The following ETV6 variants were observed in gnomAD, a reference collection of about 807,000 sequenced individuals.
ETV6 encodes transcription factor ETV6.
ETV6 carries 16 observed loss-of-function variants against 51.1 expected under a neutral mutation model. The ratio of observed to expected loss-of-function variants is 0.31; its 90% CI spans 0.21 to 0.48. ETV6 has a LOEUF of 0.48. Ranked by LOEUF, ETV6 falls within the 20% of genes least tolerant of loss-of-function variation. The pLI, the probability that ETV6 is intolerant of heterozygous loss-of-function variation, is 0.99. For missense variants in ETV6, 458 were observed against 594.8 expected, an observed-to-expected ratio of 0.77 and a Z score of 2.39; for synonymous variants, 240 against 224.1, an observed-to-expected ratio of 1.07 and a Z score of -0.64.
chr12:11,679,450 G>A (rs1438234349), intron 1 of ETV6, among the ~76,000 whole-genome samples: 2 of 152,160 alleles, frequency 1.3e-5, no homozygotes, highest in African/African-American at 4.8e-5. Flanking sequence ...TTTCTTCTTC[G>A]GTAAAGCTTG....
chr12:11,730,111 G>T (rs904567977), intron 1 of ETV6, among the ~76,000 whole-genome samples: 13 of 152,172 alleles, frequency 8.5e-5, no homozygotes, highest in African/African-American at 2.9e-4. Context: ...AAAGAGGCCA[G>T]CAGTAATGAT....
At chr12:11,700,787 G>A (rs967964464) in intron 1 of ETV6, among the ~76,000 whole-genome samples, 5 of 152,124 alleles carry the variant, frequency 3.3e-5, no homozygotes, top group Non-Finnish European at 5.9e-5. Flanking sequence ...GTCTCAGGGT[G>A]GCAGAGGTGG....
At chr12:11,882,720 C>T (rs3819543) in intron 5 of ETV6, among the ~76,000 whole-genome samples, 3 of 152,070 alleles carry the variant, frequency 2.0e-5, no homozygotes, top group African/African-American at 7.2e-5. Flanking sequence ...GGCAACAGAA[C>T]CTCAGGAAGA....
intron 5 of ETV6, among the ~76,000 whole-genome samples, chr12:11,873,382 G>A (rs1418989184): frequency 6.6e-6 from 1 of 152,152 alleles, no homozygotes; most frequent in South Asian, 2.1e-4. Context: ...AATTGATTCT[G>A]TTTATTGGAG....
At chr12:11,784,430 G>T (rs1173160896) in intron 2 of ETV6, among the ~76,000 whole-genome samples, 1 of 146,578 alleles carries the variant, frequency 6.8e-6, no homozygotes, top group African/African-American at 2.6e-5. Context: ...CTGCACTCGC[G>T]CCTGGGTGAC....
intron 2 of ETV6, among the ~76,000 whole-genome samples, chr12:11,780,622 T>G (rs1009058556): frequency 5.3e-5 from 8 of 152,160 alleles, no homozygotes; most frequent in African/African-American, 1.4e-4. Context: ...ACACATGAAT[T>G]CGTGAGACTA....
At chr12:11,779,509 G>A (rs980648877) in intron 2 of ETV6, among the ~76,000 whole-genome samples, 1 of 152,172 alleles carries the variant, frequency 6.6e-6, no homozygotes, top group Admixed American at 6.5e-5. Flanking sequence ...CCTCCATACC[G>A]AGGCCCACTT....
At chr12:11,876,974 T>C (rs1434908152) in intron 5 of ETV6, among the ~76,000 whole-genome samples, 2 of 152,230 alleles carry the variant, frequency 1.3e-5, no homozygotes, top group African/African-American at 4.8e-5. Context: ...CTCTCAAGGT[T>C]ACATCCTTAA....
At chr12:11,854,282 G>A (rs79856869) in intron 4 of ETV6, among the ~76,000 whole-genome samples, 1,597 of 152,152 alleles carry the variant, frequency 0.01, 21 homozygotes, top group African/African-American at 0.024. Flanking sequence ...TACGAGCAGT[G>A]GGGAGCAGCT....
At chr12:11,878,827 GGAAAA>G (rs1283406381) in intron 5 of ETV6, among the ~76,000 whole-genome samples, 1 of 132,590 alleles carries the variant, frequency 7.5e-6, no homozygotes, top group East Asian at 2.2e-4. Context: ...GAGGAGGAGG[GGAAAA>G]AAAAAAAAAA....
Position 11,855,360 on chromosome 12 carries a change from C to T in ETV6, c.463+1799C>T, listed in dbSNP as rs564647253. Among the ~76,000 whole-genome samples the T allele has an allele frequency of 2.0e-5, 3 of 152,258 alleles. No individual in the cohort carries two copies. In the East Asian group the frequency reaches 5.8e-4, roughly 29 times the overall value. ...CTTACTTGAGCACCATTGCATTAAA[C>T]AGTTGAACAGCTTGAGCACTCAGTG... On this transcript the variant is annotated intron_variant, in intron 4 of 7. Transcript: ENST00000396373.
chr12:11,697,010 T>TATACAGAAGTATTACCTAC (rs1261614134), intron 1 of ETV6, among the ~76,000 whole-genome samples: 1 of 152,232 alleles, frequency 6.6e-6, no homozygotes, highest in African/African-American at 2.4e-5. Flanking sequence ...AGAAAAATTG[T>TATACAGAAGTATTACCTAC]AGGTAATACT....
Position 11,732,242 on chromosome 12 carries a change from G to A in ETV6, c.34-20208G>A, listed in dbSNP as rs13377739. Reference sequence around the variant, plus strand: ...TGCAAAGTAATATTTCTGGTTTCTTGTTTTTTTGTCTACCCTTTTCCCCTT... The same window carrying A: ...TGCAAAGTAATATTTCTGGTTTCTTATTTTTTTGTCTACCCTTTTCCCCTT... On this transcript the variant is annotated intron_variant, in intron 1 of 7. Coordinates refer to ENST00000396373, the MANE Select transcript of ETV6 (RefSeq NM_001987.5). 8.0e-3 allele frequency among the ~76,000 whole-genome samples: 1,219 copies of A among 152,216 alleles called. 14 individuals carry two copies. The highest frequency in any genetic ancestry group is 0.028 in the African/African-American group (1,143 of 41,534).
chr12:11,879,395 G>A (rs778038578), intron 5 of ETV6, among the ~76,000 whole-genome samples: 13 of 152,176 alleles, frequency 8.5e-5, no homozygotes, highest in South Asian at 2.1e-4. Context: ...TTTGTCTAGC[G>A]TGGTTTTTTT....
In ETV6 at chr12:11,869,974, G is replaced by A. The variant is rs766059452; in HGVS notation, c.1009+5G>A. The A allele has an allele frequency of 6.3e-7, 1 of 1,596,016 alleles. No individual in the cohort carries two copies. The highest frequency in any genetic ancestry group is 1.1e-5 in the South Asian group (1 of 89,434). ...TGCCCATTGGGAGAATAGCAGGTGA[G>A]TGAGTTCCCCTCTCGCCGCTCCAGC... On this transcript the variant is annotated splice_donor_5th_base_variant and intron_variant, in intron 5 of 7. Transcript: ENST00000396373. This position sits in a 1 kb window ranked among gnomAD's most constrained non-coding sequence, Gnocchi z 5.0.
rs1241686529 is a variant in ETV6 at position 11,891,443 on chromosome 12, T to A, written c.*397T>A. 1 of 377,174 alleles carries A rather than the reference T, an allele frequency of 2.7e-6. No individual in the cohort carries two copies. Among genetic ancestry groups the A allele is most frequent in the African/African-American group, 2.1e-5 (1 of 47,784 alleles). 23.4% of individuals were successfully genotyped at this position (377,174 alleles called of 1,614,324 possible). A position where few individuals can be genotyped will look rare whatever the true frequency, so the allele number is the denominator to read the frequency against. On this transcript the variant is annotated 3_prime_UTR_variant, in exon 8 of 8. Transcript: ENST00000396373. ...GAAGACATCTGATGTTGTTTTCCTA[T>A]GGAAATATATATCTATTATATATAT...
intron 2 of ETV6, among the ~76,000 whole-genome samples, chr12:11,753,358 C>T (rs1271356235): frequency 6.6e-6 from 1 of 152,192 alleles, no homozygotes; most frequent in Non-Finnish European, 1.5e-5. Context: ...TACTGCCACC[C>T]AGCTCAGGTG....
chr12:11,721,258 C>T (rs980538132), intron 1 of ETV6, among the ~76,000 whole-genome samples: 11 of 152,160 alleles, frequency 7.2e-5, no homozygotes, highest in African/African-American at 2.2e-4. Context: ...AAGACATATA[C>T]ACTTGTATGT....
intron 2 of ETV6, among the ~76,000 whole-genome samples, chr12:11,760,934 GTATATA>G (rs1345858915): frequency 5.4e-4 from 24 of 44,226 alleles, no homozygotes; most frequent in Non-Finnish European, 1.5e-3. Context: ...GTGTGTGTGT[GTATATA>G]TGTATATATG....
Sources: gnomAD v4.1 joint callset for allele counts (sites outside exome capture counted in the v4.1 genomes callset) on GRCh38, gnomAD v4.1.1 for gene constraint, Gnocchi (gnomAD v3.1) non-coding constraint, MANE v1.5 for transcripts, NCBI Gene and HGNC (gene_info 2026-07-23, HGNC 2026-07-21) for gene names.